The following HPD variants were observed in gnomAD, a reference collection of about 807,000 sequenced individuals.
HPD encodes 4-hydroxyphenylpyruvate dioxygenase, also known as 4-hydroxyphenylpyruvic acid oxidase.
Under a neutral mutation model 56.9 loss-of-function variants are expected in HPD, and 35 were observed. The observed-to-expected ratio is 0.62, with a 90% CI of 0.47 to 0.82. The LOEUF is 0.82. Among genes scored for constraint, HPD ranks in the 40% least tolerant of loss-of-function variants. The probability of loss-of-function intolerance (pLI) is 0.00; values close to 1 mark genes in which losing one functional copy is unlikely to be tolerated. For synonymous variants in HPD, 186 were observed against 200.2 expected, an observed-to-expected ratio of 0.93 and a Z score of 0.60; for missense variants, 442 against 506.8, an observed-to-expected ratio of 0.87 and a Z score of 1.23.
At chr12:121,874,919 A>G in the HPD span, among the ~76,000 whole-genome samples, 1 of 151,926 alleles carries the variant, frequency 6.6e-6, no homozygotes, top group Non-Finnish European at 1.5e-5. Context: ...GTGCCACCAC[A>G]TCCGGCTAAT....
Position 121,856,374 on chromosome 12 carries a change from C to T in HPD, c.274G>A (p.Gly92Arg), listed in dbSNP as rs771382964. 3.7e-6 allele frequency: 6 copies of T among 1,613,998 alleles called. No homozygotes were observed. Among genetic ancestry groups the T allele is most frequent in the African/African-American group, 1.3e-5 (1 of 74,920 alleles). ...ACCTCGAACGCAATGTCCTTCACTC[C>T]GTCACCGTGTTTCACCAGGTGATCG... ...MGDHLVKHGD[G>R]VKDIAFEVED... The change falls in exon 6 of 14, where the codon GGA becomes AGA. Residue 92 changes from glycine to arginine, a missense_variant. Physicochemically the swap from Gly to Arg is moderately radical, Grantham distance 125. Coordinates refer to ENST00000289004, the MANE Select transcript of HPD (RefSeq NM_002150.3).
chr12:121,863,914 TG>T (rs771860515), upstream of HPD, among the ~76,000 whole-genome samples: 11 of 151,976 alleles, frequency 7.2e-5, no homozygotes, highest in East Asian at 7.7e-4. Flanking sequence ...TGTATAAAAA[TG>T]TTTTTCTGTG....
the HPD span, among the ~76,000 whole-genome samples, chr12:121,882,180 T>C: frequency 6.6e-6 from 1 of 152,086 alleles, no homozygotes; most frequent in Non-Finnish European, 1.5e-5. Context: ...ACCCTTGTTT[T>C]ATAGATTCAG....
chr12:121,842,130 G>T (rs1877428041), intron 12 of HPD, among the ~76,000 whole-genome samples: 1 of 151,838 alleles, frequency 6.6e-6, no homozygotes, highest in Non-Finnish European at 1.5e-5. Flanking sequence ...GTTTCTTTTT[G>T]GGGTGACAAA....
At chr12:121,864,171 G>T (rs142615106), upstream of HPD, among the ~76,000 whole-genome samples, 3 of 151,508 alleles carry the variant, frequency 2.0e-5, no homozygotes, top group East Asian at 3.9e-4. Flanking sequence ...ACTTGAACCC[G>T]GGAGGCAGGG....
At chr12:121,873,102 T>A in the HPD span, among the ~76,000 whole-genome samples, 112 of 152,278 alleles carry the variant, frequency 7.4e-4, 2 homozygotes, top group Non-Finnish European at 1.2e-4. Context: ...AGGTAGTACT[T>A]GATCATTTTG....
At chr12:121,847,600 C>T (rs948353651) in intron 9 of HPD, among the ~76,000 whole-genome samples, 2 of 152,174 alleles carry the variant, frequency 1.3e-5, no homozygotes, top group Non-Finnish European at 2.9e-5. Context: ...TGCAGTGACG[C>T]AATCTCGGCT....
the HPD span, among the ~76,000 whole-genome samples, chr12:121,875,224 TAAA>T: frequency 6.6e-6 from 1 of 152,116 alleles, no homozygotes; most frequent in Non-Finnish European, 1.5e-5. Context: ...TATGTGCCAA[TAAA>T]AACTTATTTA....
At chr12:121,876,783 G>A in the HPD span, among the ~76,000 whole-genome samples, 2 of 151,904 alleles carry the variant, frequency 1.3e-5, no homozygotes, top group Non-Finnish European at 2.9e-5. Flanking sequence ...CCCCATTTCC[G>A]AGTCTTAGGA....
intron 7 of HPD, among the ~76,000 whole-genome samples, chr12:121,852,622 CTTTTTTTTTTTTTTTTT>C (rs1176954964): frequency 1.4e-5 from 1 of 70,484 alleles, no homozygotes; most frequent in African/African-American, 6.2e-5. Context: ...TCATTGGATC[CTTTTTTTTTTTTTTTTT>C]TTTTTTTTTT....
upstream of HPD, among the ~76,000 whole-genome samples, chr12:121,867,360 A>G (rs1346995845): frequency 6.6e-6 from 1 of 151,860 alleles, no homozygotes; most frequent in Non-Finnish European, 1.5e-5. Context: ...TCAAAAAAAA[A>G]AAAAAAAAAT....
intron 7 of HPD, chr12:121,850,006 T>C: frequency 1.7e-6 from 1 of 572,514 alleles, no homozygotes; most frequent in Non-Finnish European, 3.2e-6. Context: ...GTTTTGCTCA[T>C]GATGGTGTAC....
At chr12:121,843,658 A>G in intron 12 of HPD, 52 bp downstream of exon 12, 1 of 1,609,094 alleles carries the variant, frequency 6.2e-7, no homozygotes, top group Non-Finnish European at 8.5e-7. Context: ...AAAAGATGCA[A>G]TGCAGAGCTC....
At chr12:121,853,557 G>A (rs747830498) in intron 7 of HPD, among the ~76,000 whole-genome samples, 45 of 150,982 alleles carry the variant, frequency 3.0e-4, no homozygotes, top group Non-Finnish European at 5.3e-4. Context: ...GGAAGGCAGC[G>A]CTTGCAGTGA....
In HPD at chr12:121,849,031, C is replaced by T; in HGVS notation, c.564G>A (p.Gln188=). ...LEMIDHIVGN[Q]PDQEMVSASE... ...AGGCGGACACCATCTCCTGATCAGG[C>T]TGGTTTCCCACAATGTGGTCGATCA... is the stretch of plus-strand genomic sequence containing the variant. Residue 188 remains glutamine, a synonymous_variant, in exon 9 of 14, where the codon CAG becomes CAA. Coordinates refer to ENST00000289004, the MANE Select transcript of HPD (RefSeq NM_002150.3). 1 of 1,613,960 alleles carries T rather than the reference C, an allele frequency of 6.2e-7. No individual in the cohort carries two copies. Among genetic ancestry groups the T allele is most frequent in the Non-Finnish European group, 8.5e-7 (1 of 1,179,970 alleles).
the HPD span, among the ~76,000 whole-genome samples, chr12:121,885,858 G>A: frequency 1.3e-5 from 2 of 151,608 alleles, no homozygotes; most frequent in Non-Finnish European, 2.9e-5. Flanking sequence ...CCAGCTACTC[G>A]GGAGGCAGGG....
chr12:121,868,779 C>A, the HPD span, among the ~76,000 whole-genome samples: 1 of 152,104 alleles, frequency 6.6e-6, no homozygotes, highest in Non-Finnish European at 1.5e-5. Flanking sequence ...CCTCAGCCTC[C>A]CGAAGTGCTG....
rs1206546215 is a variant in HPD, at chr12:121,850,692, CTTTTTT to C, written c.415-908_415-903del. On this transcript the variant is annotated intron_variant, in intron 7 of 13. Transcript: ENST00000289004. ...ACAGGCATGAGCCACTGTACCTAGC[CTTTTTT>C]TTTTTTTTTTTTTTTGTTTGAGACG... Among the ~76,000 whole-genome samples the C allele has an allele frequency of 9.1e-4, 83 of 91,652 alleles. 2 individuals are homozygous for C. The highest frequency in any genetic ancestry group is 3.2e-3 in the African/African-American group (78 of 24,060). 60.1% of individuals were successfully genotyped at this position (91,652 alleles called of 152,430 possible).
chr12:121,880,000 A>T, the HPD span, among the ~76,000 whole-genome samples: 5 of 151,912 alleles, frequency 3.3e-5, no homozygotes, highest in Admixed American at 2.6e-4. Context: ...TTTAAAAATT[A>T]GCTGGGTGTG....
Sources: allele counts gnomAD v4.1 joint callset (sites outside exome capture counted in the v4.1 genomes callset), GRCh38; gene constraint gnomAD v4.1.1; transcripts MANE v1.5; gene names NCBI Gene and HGNC (gene_info 2026-07-23, HGNC 2026-07-21).